TXNL4A: variants seen among roughly 807,000 people sequenced by gnomAD.
TXNL4A encodes thioredoxin-like protein 4A.
A neutral mutation model predicts 14.6 loss-of-function variants in TXNL4A; 17 were observed. The observed-to-expected ratio is 1.16, with a 90% confidence interval of 0.80 to 1.74. The LOEUF (loss-of-function observed/expected upper bound fraction) is 1.74, where lower values mean the gene tolerates loss of function less well. TXNL4A is among the 40% of genes most tolerant of loss of function. The pLI is 0.00. For synonymous variants in TXNL4A, 83 were observed against 70.6 expected, an observed-to-expected ratio of 1.18 and a Z score of -0.88; for missense variants, 74 against 195.2, an observed-to-expected ratio of 0.38 and a Z score of 3.70.
At chr18:80,020,111 G>C (rs2051838568) in intron 1 of TXNL4A, among the ~76,000 whole-genome samples, 1 of 152,150 alleles carries the variant, frequency 6.6e-6, no homozygotes, top group Admixed American at 6.5e-5. Context: ...AAATCTGATG[G>C]CTTTAAAAAC....
At chr18:79,995,246 G>A (rs2051653220) in intron 1 of TXNL4A, 2 of 152,202 alleles carry the variant, frequency 1.3e-5, no homozygotes, top group Admixed American at 6.5e-5. Flanking sequence ...CTAAAGCTAA[G>A]TGGCTGGAAA....
rs2051766702 is a variant in TXNL4A at position 80,011,056 on chromosome 18, A to G, written c.-61+22795T>C. 6.6e-6 allele frequency among the ~76,000 whole-genome samples: 1 copy of G among 152,134 alleles called. No homozygotes were observed. The highest frequency in any genetic ancestry group is 1.5e-5 in the Non-Finnish European group (1 of 68,020). ...TGGGGTTGGTTTAAGGGTCCGCGGA[A>G]GAAAGGCACATCCATGTGTGGTTTT... On this transcript the variant is annotated intron_variant, in intron 1 of 2. Coordinates refer to the TXNL4A transcript ENST00000585474. The surrounding 1 kb of genome is among the most constrained non-coding windows in gnomAD (Gnocchi z 4.1).
At chr18:79,984,871 G>A (rs1026334294) in intron 1 of TXNL4A, among the ~76,000 whole-genome samples, 1 of 152,184 alleles carries the variant, frequency 6.6e-6, no homozygotes, top group Non-Finnish European at 1.5e-5. Context: ...TTAGGTAACA[G>A]TGAACCCCAA....
At chr18:79,995,381 A>G (rs566006717) in intron 1 of TXNL4A, 1 of 152,374 alleles carries the variant, frequency 6.6e-6, no homozygotes, top group African/African-American at 2.4e-5. Context: ...TCTGTTAAAT[A>G]GCATTCCTTC....
At chr18:80,010,339 C>T (rs1469749127) in intron 1 of TXNL4A, among the ~76,000 whole-genome samples, 1 of 152,002 alleles carries the variant, frequency 6.6e-6, no homozygotes, top group Non-Finnish European at 1.5e-5. Flanking sequence ...CGTGACTCAG[C>T]TTGTCCCGGG....
chr18:80,001,751 T>C (rs1372679373), intron 1 of TXNL4A, among the ~76,000 whole-genome samples: 1 of 152,184 alleles, frequency 6.6e-6, no homozygotes. Context: ...CGAATGGCTG[T>C]ATTTACCCAA....
chr18:79,996,631 C>G (rs1410426422), intron 1 of TXNL4A, among the ~76,000 whole-genome samples: 1 of 152,086 alleles, frequency 6.6e-6, no homozygotes, highest in Non-Finnish European at 1.5e-5. Context: ...AGCCAGGGAC[C>G]AACAATATCA....
At chr18:80,008,229 T>C (rs1021217697) in intron 1 of TXNL4A, among the ~76,000 whole-genome samples, 11 of 152,214 alleles carry the variant, frequency 7.2e-5, no homozygotes, top group African/African-American at 2.4e-4. Context: ...AGTATCCAAA[T>C]TGTTTTTCAG....
chr18:79,981,691 T>C (rs2051466669), intron 1 of TXNL4A, among the ~76,000 whole-genome samples: 1 of 152,066 alleles, frequency 6.6e-6, no homozygotes, highest in Admixed American at 6.6e-5. Context: ...ACAACAACAA[T>C]AATCAGAGGG....
At chr18:80,020,628 A>G (rs2051842421) in intron 1 of TXNL4A, among the ~76,000 whole-genome samples, 1 of 152,150 alleles carries the variant, frequency 6.6e-6, no homozygotes, top group African/African-American at 2.4e-5. Flanking sequence ...CTATGGGAAG[A>G]CTGAGCGTAG....
intron 1 of TXNL4A, among the ~76,000 whole-genome samples, chr18:79,981,833 C>T (rs1433733710): frequency 3.3e-5 from 5 of 152,250 alleles, no homozygotes; most frequent in South Asian, 2.1e-4. Context: ...GCCACGAGAA[C>T]GTGAACATCC....
chr18:80,008,695 C>T (rs1042476085), intron 1 of TXNL4A, among the ~76,000 whole-genome samples: 3 of 152,190 alleles, frequency 2.0e-5, no homozygotes, highest in South Asian at 2.1e-4. Context: ...AGAGGTGTCA[C>T]ATCCATCTCC....
chr18:80,019,116 A>C (rs2051831818), intron 1 of TXNL4A, among the ~76,000 whole-genome samples: 1 of 152,182 alleles, frequency 6.6e-6, no homozygotes, highest in South Asian at 2.1e-4. Context: ...CCTAGTTCCA[A>C]AGTCACTTCT....
At chr18:80,024,953 T>A (rs2051874965) in intron 1 of TXNL4A, among the ~76,000 whole-genome samples, 1 of 152,216 alleles carries the variant, frequency 6.6e-6, no homozygotes, top group Non-Finnish European at 1.5e-5. Context: ...CCCCAGCAGC[T>A]GCAGAACACA....
chr18:80,028,824 C>G (rs2051902149), intron 1 of TXNL4A, among the ~76,000 whole-genome samples: 1 of 152,182 alleles, frequency 6.6e-6, no homozygotes, highest in African/African-American at 2.4e-5. Context: ...TTAGCCTCCT[C>G]AGGGCAACCC....
intron 1 of TXNL4A, among the ~76,000 whole-genome samples, chr18:80,026,152 A>G (rs900626524): frequency 1.3e-5 from 2 of 152,240 alleles, no homozygotes; most frequent in Non-Finnish European, 2.9e-5. Flanking sequence ...GCCACATGAT[A>G]AACTGGGCCA....
intron 1 of TXNL4A, among the ~76,000 whole-genome samples, chr18:79,994,297 A>G (rs1014136900): frequency 1.1e-4 from 17 of 152,226 alleles, no homozygotes; most frequent in African/African-American, 3.9e-4. Context: ...AAACTAAGAA[A>G]CCGGAATGGG....
chr18:79,987,553 C>A (rs1279806562), intron 1 of TXNL4A, among the ~76,000 whole-genome samples: 1 of 152,206 alleles, frequency 6.6e-6, no homozygotes, highest in African/African-American at 2.4e-5. Context: ...CAATAAAAGT[C>A]ATCCTAAAAT....
At chr18:79,991,550 T>C (rs1185254838), upstream of TXNL4A, among the ~76,000 whole-genome samples, 1 of 152,246 alleles carries the variant, frequency 6.6e-6, no homozygotes, top group Non-Finnish European at 1.5e-5. Context: ...CATCAGTTGA[T>C]TGACATTTGG....
Sources: allele counts gnomAD v4.1 joint callset (sites outside exome capture counted in the v4.1 genomes callset), GRCh38; gene constraint gnomAD v4.1.1; non-coding constraint Gnocchi (gnomAD v3.1); transcripts MANE v1.5; gene names NCBI Gene and HGNC (gene_info 2026-07-23, HGNC 2026-07-21).